COP1: variants seen among roughly 807,000 people sequenced by gnomAD.
COP1 encodes COP1 E3 ubiquitin ligase, also known as E3 ubiquitin-protein ligase COP1.
Under a neutral mutation model 101.3 loss-of-function variants are expected in COP1, and 24 were observed. The ratio of observed to expected loss-of-function variants is 0.24; its 90% CI spans 0.17 to 0.33. The LOEUF (loss-of-function observed/expected upper bound fraction) is 0.33. Among genes scored for constraint, COP1 ranks in the 10% least tolerant of loss-of-function variants. The pLI is 1.00. For missense variants in COP1, 663 were observed against 906.2 expected, an observed-to-expected ratio of 0.73 and a Z score of 3.45; for synonymous variants, 347 against 341.9, an observed-to-expected ratio of 1.01 and a Z score of -0.17.
chr1:176,203,984 A>C (rs1029205370), intron 1 of COP1, among the ~76,000 whole-genome samples: 1 of 152,188 alleles, frequency 6.6e-6, no homozygotes, highest in African/African-American at 2.4e-5. Context: ...GCAGGTAAGA[A>C]AAGGGAGTGG....
chr1:176,046,154 A>G lies in COP1; in HGVS notation c.1421+27T>C, dbSNP rs757298593. ...ATGCAAATTGTTACATCTATACTGC[A>G]TCATGTCAAGAAAATAATGTAAATA... On this transcript the variant is annotated intron_variant, in intron 12 of 19. Coordinates refer to ENST00000367669, the MANE Select transcript of COP1 (RefSeq NM_022457.7). 6 of 1,575,394 alleles carry G rather than the reference A, an allele frequency of 3.8e-6. No homozygotes were observed. In the South Asian group the frequency reaches 6.9e-5, roughly 18 times the overall value.
intron 18 of COP1, among the ~76,000 whole-genome samples, chr1:175,977,115 C>T (rs1429380410): frequency 1.3e-5 from 2 of 152,060 alleles, no homozygotes; most frequent in Non-Finnish European, 2.9e-5. Flanking sequence ...ATCTTGAAGT[C>T]GGATTTACTT....
chr1:175,975,345 A>G (rs1654271422), intron 18 of COP1, among the ~76,000 whole-genome samples: 1 of 152,168 alleles, frequency 6.6e-6, no homozygotes. Context: ...TTAAACAAAG[A>G]CTAACAAAAA....
intron 18 of COP1, among the ~76,000 whole-genome samples, chr1:175,980,434 AATT>A (rs1655565183): frequency 1.3e-5 from 2 of 152,170 alleles, no homozygotes; most frequent in African/African-American, 4.8e-5. Flanking sequence ...TTTTGTTAGA[AATT>A]AGAGAGAATA....
At position 175,969,509 on chromosome 1, in the gene COP1, T is replaced by G. The variant is rs144135109; in HGVS notation, c.2133+17434A>C. Among the ~76,000 whole-genome samples the G allele has an allele frequency of 4.6e-3, 700 of 152,272 alleles. 6 individuals are homozygous for G. The highest frequency in any genetic ancestry group is 0.015 in the African/African-American group (610 of 41,548). On this transcript the variant is annotated intron_variant, in intron 18 of 19. Coordinates refer to ENST00000367669, the MANE Select transcript of COP1 (RefSeq NM_022457.7). ...GAGAAGAAGCTCAACAAACAGGTCT[T>G]GCTAAGTTGCCCCCAGTTTATTACC...
At chr1:176,192,929 C>T (rs1454578270) in intron 1 of COP1, among the ~76,000 whole-genome samples, 2 of 152,182 alleles carry the variant, frequency 1.3e-5, no homozygotes, top group East Asian at 3.9e-4. Flanking sequence ...AACTACAGTG[C>T]TGAATTTAAA....
intron 15 of COP1, among the ~76,000 whole-genome samples, chr1:176,012,551 A>C (rs542959682): frequency 6.6e-6 from 1 of 152,246 alleles, no homozygotes; most frequent in Non-Finnish European, 1.5e-5. Context: ...AATTTAGTAT[A>C]GCCTAAGTAT....
intron 11 of COP1, among the ~76,000 whole-genome samples, chr1:176,061,802 G>GAA (rs542814445): frequency 5.7e-4 from 87 of 152,082 alleles, no homozygotes; most frequent in African/African-American, 2.0e-3. Context: ...CTACAGGATA[G>GAA]AAAAATTTTA....
chr1:175,948,017 GA>G (rs1225088527), intron 18 of COP1, among the ~76,000 whole-genome samples: 1 of 152,130 alleles, frequency 6.6e-6, no homozygotes, highest in Non-Finnish European at 1.5e-5. Flanking sequence ...AGGAAAACAA[GA>G]AAATGTGAAT....
At chr1:175,945,568 A>T (rs1276866673) in intron 19 of COP1, among the ~76,000 whole-genome samples, 1 of 152,228 alleles carries the variant, frequency 6.6e-6, no homozygotes, top group Non-Finnish European at 1.5e-5. Context: ...CACTGTTTAT[A>T]ATGATCAAGG....
At chr1:175,993,503 T>G (rs992398104) in intron 15 of COP1, among the ~76,000 whole-genome samples, 24 of 152,018 alleles carry the variant, frequency 1.6e-4, no homozygotes, top group Non-Finnish European at 2.8e-4. Flanking sequence ...TGAAAAAAAT[T>G]TAGACGAATG....
chr1:176,102,569 T>G (rs1683597832), intron 9 of COP1, among the ~76,000 whole-genome samples: 1 of 152,200 alleles, frequency 6.6e-6, no homozygotes, highest in African/African-American at 2.4e-5. Context: ...TGAACTGACT[T>G]TGAGAAGAAC....
chr1:176,000,497 G>A (rs1661339072), intron 15 of COP1, among the ~76,000 whole-genome samples: 1 of 151,992 alleles, frequency 6.6e-6, no homozygotes, highest in Non-Finnish European at 1.5e-5. Context: ...GCACTATGAA[G>A]TTATAATGGC....
intron 15 of COP1, among the ~76,000 whole-genome samples, chr1:176,002,650 TC>T (rs1170169970): frequency 6.7e-6 from 1 of 149,688 alleles, no homozygotes; most frequent in African/African-American, 2.5e-5. Flanking sequence ...AATGATGATT[TC>T]CAATTTCATC....
intron 14 of COP1, among the ~76,000 whole-genome samples, chr1:176,028,655 G>A: frequency 9.2e-6 from 1 of 108,716 alleles, no homozygotes. Flanking sequence ...TAAAAGACAG[G>A]AACAAAAAAA....
At chr1:176,081,885 T>A (rs1679222260) in intron 10 of COP1, among the ~76,000 whole-genome samples, 1 of 152,164 alleles carries the variant, frequency 6.6e-6, no homozygotes, top group African/African-American at 2.4e-5. Flanking sequence ...CCTTTTTATC[T>A]CAAAGTGCCT....
intron 1 of COP1, among the ~76,000 whole-genome samples, chr1:176,199,274 G>A (rs910417464): frequency 2.0e-5 from 3 of 152,078 alleles, no homozygotes; most frequent in African/African-American, 7.2e-5. Flanking sequence ...CTGAGATCGT[G>A]CCACTGCACT....
intron 14 of COP1, among the ~76,000 whole-genome samples, chr1:176,042,003 T>C (rs1670634968): frequency 2.0e-5 from 3 of 152,088 alleles, no homozygotes; most frequent in African/African-American, 7.2e-5. Context: ...GCCCAGCTAC[T>C]CAGGAGGCTG....
intron 11 of COP1, among the ~76,000 whole-genome samples, chr1:176,053,434 T>C (rs1672915536): frequency 6.6e-6 from 1 of 152,202 alleles, no homozygotes; most frequent in African/African-American, 2.4e-5. Context: ...ATTCTAACTT[T>C]CAGCTCACTG....
Sources: gnomAD v4.1 joint callset for allele counts (sites outside exome capture counted in the v4.1 genomes callset) on GRCh38, gnomAD v4.1.1 for gene constraint, MANE v1.5 for transcripts, NCBI Gene and HGNC (gene_info 2026-07-23, HGNC 2026-07-21) for gene names.